CDHR2: variants seen among roughly 807,000 people sequenced by gnomAD.
CDHR2 encodes cadherin-related family member 2.
A neutral mutation model predicts 138.6 loss-of-function variants in CDHR2; 104 were observed. The ratio of observed to expected loss-of-function variants is 0.75; its 90% CI spans 0.64 to 0.88. The LOEUF is 0.88. Among genes scored for constraint, CDHR2 ranks in the 40% least tolerant of loss-of-function variants. CDHR2 has a pLI of 0.00. For missense variants in CDHR2, 1,624 were observed against 1,727.6 expected, an observed-to-expected ratio of 0.94 and a Z score of 1.06; for synonymous variants, 755 against 742.8, an observed-to-expected ratio of 1.02 and a Z score of -0.27.
intron 1 of CDHR2, among the ~76,000 whole-genome samples, chr5:176,555,661 C>G (rs1179792886): frequency 6.6e-6 from 1 of 152,124 alleles, no homozygotes; most frequent in African/African-American, 2.4e-5. Flanking sequence ...AATCCCAGCA[C>G]TTTGGGAGGC....
intron 6 of CDHR2, among the ~76,000 whole-genome samples, chr5:176,572,033 G>A (rs559189318): frequency 6.6e-6 from 1 of 152,168 alleles, no homozygotes; most frequent in South Asian, 2.1e-4. Flanking sequence ...TCTCAGCTCT[G>A]CTTCTCTTAT....
chr5:176,591,617 TATGGTG>T (rs1199724615), intron 30 of CDHR2, 133 bp downstream of exon 30: 14 of 686,072 alleles, frequency 2.0e-5, no homozygotes, highest in East Asian at 5.5e-5. Flanking sequence ...TAGTGGTAGT[TATGGTG>T]GTGGTGGTGA....
intron 19 of CDHR2, among the ~76,000 whole-genome samples, 156 bp from the exon 20 acceptor site, chr5:176,585,798 A>ATGGGGTTGAGGCTG (rs1436159551): frequency 1.3e-5 from 2 of 150,784 alleles, no homozygotes; most frequent in African/African-American, 4.9e-5. Flanking sequence ...GCTGCGGGGC[A>ATGGGGTTGAGGCTG]CGGGGTTGAG....
rs371896652 is a variant in CDHR2 at position 176,592,039 on chromosome 5, ATGG to A, written c.3734+563_3734+565del. Among the ~76,000 whole-genome samples, 171 of 129,698 alleles carry A rather than the reference ATGG, an allele frequency of 1.3e-3. 2 individuals carry two copies. The highest frequency in any genetic ancestry group is 5.4e-3 in the Middle Eastern group (1 of 186). The allele number at this position is 129,698 out of a possible 152,430, so 85.1% of individuals were successfully genotyped here. A position where few individuals can be genotyped will look rare whatever the true frequency, so the allele number is the denominator to read the frequency against. On this transcript the variant is annotated intron_variant, in intron 30 of 31. Coordinates refer to ENST00000261944, the MANE Select transcript of CDHR2 (RefSeq NM_017675.6). ...GTGGGTGATGGTGGTGGCAATGGTG[ATGG>A]TGGTGGTCATGGTGGTCATGGTAGT...
intron 4 of CDHR2, 40 bp from the exon 5 acceptor site, chr5:176,568,920 C>T (rs200991100): frequency 1.1e-5 from 18 of 1,611,940 alleles, no homozygotes; most frequent in East Asian, 4.5e-5. Context: ...TCCCACCCAG[C>T]GGGGGCTCAC....
chr5:176,590,786 G>C, intron 28 of CDHR2, 99 bp downstream of exon 28: 2 of 1,506,266 alleles, frequency 1.3e-6, no homozygotes, highest in Non-Finnish European at 1.8e-6. Context: ...TTAGGCACAG[G>C]TATACATGCA....
intron 1 of CDHR2, among the ~76,000 whole-genome samples, chr5:176,558,214 ATTTTT>A (rs34795456): frequency 7.6e-6 from 1 of 132,172 alleles, no homozygotes. Context: ...TTCTTTTCTT[ATTTTT>A]TTTTTTTTTT....
At chr5:176,559,317 A>G (rs1401400804) in intron 1 of CDHR2, among the ~76,000 whole-genome samples, 1 of 152,224 alleles carries the variant, frequency 6.6e-6, no homozygotes, top group Non-Finnish European at 1.5e-5. Context: ...ACATAGCTCC[A>G]TTAACTCCAG....
chr5:176,595,126 A>G (rs1363404664), intron 31 of CDHR2, among the ~76,000 whole-genome samples: 2 of 152,082 alleles, frequency 1.3e-5, no homozygotes, highest in Non-Finnish European at 2.9e-5. Flanking sequence ...CCTCCCTCAG[A>G]GGGTTTCAGT....
chr5:176,565,640 T>A, intron 2 of CDHR2, 32 bp from the exon 3 acceptor site: 1 of 1,596,910 alleles, frequency 6.3e-7, no homozygotes, highest in Non-Finnish European at 8.6e-7. Flanking sequence ...TGCAGGGGTG[T>A]CCCGATGTTC....
Position 176,589,424 on chromosome 5 carries a change from A to G in CDHR2, c.3103A>G (p.Thr1035Ala), listed in dbSNP as rs2113328140. ...RPSLGPFLEA[T>A]TTLNLFTVDQ... ...TTCCTTGGGTCCTTTCCTGGAAGCC[A>G]CCACCACCCTGAATGTGAGTGCTGG... The change falls in exon 23 of 32, where the codon ACC becomes GCC. Residue 1035 changes from threonine (T) to alanine (A), a missense_variant. By Grantham distance (58) the Thr-to-Ala change is moderately conservative (BLOSUM62 0). Transcript: ENST00000261944. 1.3e-6 allele frequency: 2 copies of G among 1,593,548 alleles called. No homozygotes were observed. Among genetic ancestry groups the G allele is most frequent in the East Asian group, 4.5e-5 (2 of 44,610 alleles).
At chr5:176,581,705 G>T in intron 17 of CDHR2, 123 bp downstream of exon 17, 1 of 1,300,168 alleles carries the variant, frequency 7.7e-7, no homozygotes, top group Non-Finnish European at 1.1e-6. Context: ...CCGCTCACTC[G>T]TATGGCCCCA....
rs762027095 is a variant in CDHR2, at chr5:176,586,831, G to A, written c.2845G>A (p.Ala949Thr). 6.2e-7 allele frequency: 1 copy of A among 1,609,792 alleles called. No homozygotes were observed. Among genetic ancestry groups the A allele is most frequent in the Non-Finnish European group, 8.5e-7 (1 of 1,178,166 alleles). ...PELVLPNREV[A>T]SVRARDDDSG... ...ACTCGTGCTGCCCAACCGGGAGGTG[G>A]CTTCTGTCCGGGTAAGTTCTTGGCT... Residue 949 changes from alanine (A) to threonine (T), a missense_variant, in exon 21 of 32, where the codon GCT (alanine) becomes ACT (threonine). Around this residue, in one of 3 missense-constraint regions of CDHR2, gnomAD observed 556 missense variants for 565.7 expected, o/e 0.98. Coordinates refer to ENST00000261944, the MANE Select transcript of CDHR2 (RefSeq NM_017675.6).
In CDHR2 at chr5:176,589,363, C is replaced by G; in HGVS notation, c.3042C>G (p.Gly1014=). 1.3e-6 allele frequency: 2 copies of G among 1,559,098 alleles called. No homozygotes were observed. Among genetic ancestry groups the G allele is most frequent in the East Asian group, 4.5e-5 (2 of 44,486 alleles). The stretch of plus-strand genomic sequence containing the variant: ...CCAGCCTCGACTCCACTCTCCAAGG[C>G]ACCTACCAAGTGACAGTCCAGGCCA... ...PVTSLDSTLQ[G]TYQVTVQARD... The change falls in exon 23 of 32, where the codon GGC becomes GGG. Residue 1014 remains glycine, a synonymous_variant. Transcript: ENST00000261944.
chr5:176,548,141 G>GT (rs2113243160), upstream of CDHR2, among the ~76,000 whole-genome samples: 1 of 152,328 alleles, frequency 6.6e-6, no homozygotes, highest in East Asian at 1.9e-4. Flanking sequence ...ATTTGTGCAT[G>GT]TAAACACAGA....
At chr5:176,571,794 C>T (rs999776858) in intron 6 of CDHR2, among the ~76,000 whole-genome samples, 7 of 152,110 alleles carry the variant, frequency 4.6e-5, no homozygotes, top group African/African-American at 1.7e-4. Flanking sequence ...CCTCGGCCTC[C>T]CAAAGTGCTG....
At position 176,578,442 on chromosome 5, in the gene CDHR2, A is replaced by G. The variant is rs200569396; in HGVS notation, c.1652A>G (p.Gln551Arg). The G allele has an allele frequency of 2.5e-4, 408 of 1,613,844 alleles. No individual in the cohort carries two copies. Among genetic ancestry groups the G allele is most frequent in the Non-Finnish European group, 3.2e-4 (381 of 1,179,886 alleles). Residue 551 changes from glutamine to arginine, a missense_variant, in exon 16 of 32, where the codon CAG becomes CGG. By Grantham distance (43) the Gln-to-Arg change is conservative. Coordinates refer to ENST00000261944, the MANE Select transcript of CDHR2 (RefSeq NM_017675.6). Reference protein sequence around the residue: ...RNGELLDRESQAVYYLTLQAT... With the variant: ...RNGELLDRESRAVYYLTLQAT... ...GGTGAGCTGCTGGACCGGGAGAGCCAGGCCGTGTACTACCTGACGCTGCAG... is the reference window on the plus strand; with the variant it reads ...GGTGAGCTGCTGGACCGGGAGAGCCGGGCCGTGTACTACCTGACGCTGCAG...
At position 176,574,120 on chromosome 5, in the gene CDHR2, C is replaced by A; in HGVS notation, c.443C>A (p.Ala148Asp). 3 of 1,614,044 alleles carry A rather than the reference C, an allele frequency of 1.9e-6. No individual in the cohort carries two copies. The highest frequency in any genetic ancestry group is 2.5e-6 in the Non-Finnish European group (3 of 1,179,944). Residue 148 changes from alanine to aspartate, a missense_variant, in exon 7 of 32, where the codon GCC (alanine) becomes GAC (aspartate). This residue lies in a region of CDHR2 where 1,061 missense variants were observed against 1,136.6 expected (regional missense o/e 0.93). Coordinates refer to ENST00000261944, the MANE Select transcript of CDHR2 (RefSeq NM_017675.6). Reference protein sequence around the residue: ...PVGSVVFSVLAVDKDMGSAGM... With the variant: ...PVGSVVFSVLDVDKDMGSAGM... ...GGCAGTGTGGTGTTCTCCGTGCTGGCCGTGGATAAAGACATGGGGTCTGCA... is the reference window on the plus strand; with the variant it reads ...GGCAGTGTGGTGTTCTCCGTGCTGGACGTGGATAAAGACATGGGGTCTGCA...
At position 176,578,438 on chromosome 5, in the gene CDHR2, A is replaced by G; in HGVS notation, c.1648A>G (p.Ser550Gly). 1 of 1,613,966 alleles carries G rather than the reference A, an allele frequency of 6.2e-7. No homozygotes were observed. The highest frequency in any genetic ancestry group is 8.5e-7 in the Non-Finnish European group (1 of 1,179,988). The change falls in exon 16 of 32, where the codon AGC (serine) becomes GGC (glycine). Residue 550 changes from serine to glycine, a missense_variant. Physicochemically the swap from Ser to Gly is moderately conservative, Grantham distance 56 (BLOSUM62 0). Coordinates refer to ENST00000261944, the MANE Select transcript of CDHR2 (RefSeq NM_017675.6). ...GAACGGTGAGCTGCTGGACCGGGAG[A>G]GCCAGGCCGTGTACTACCTGACGCT... Reference protein sequence around the residue: ...VRNGELLDRESQAVYYLTLQA... With the variant: ...VRNGELLDREGQAVYYLTLQA...
Sources: gnomAD v4.1 joint callset for allele counts (sites outside exome capture counted in the v4.1 genomes callset) on GRCh38, gnomAD v4.1.1 for gene constraint, gnomAD v4.1.1 regional missense constraint, MANE v1.5 for transcripts, NCBI Gene and HGNC (gene_info 2026-07-23, HGNC 2026-07-21) for gene names.